Variants in SEL1L2 observed in about 807,000 individuals in gnomAD.
SEL1L2 encodes the protein protein sel-1 homolog 2.
SEL1L2 carries 89 observed loss-of-function variants against 98.8 expected under a neutral mutation model. The ratio of observed to expected loss-of-function variants is 0.90; its 90% CI spans 0.76 to 1.07. The LOEUF is 1.07. SEL1L2 is among the 50% of genes least tolerant of loss of function. The probability of loss-of-function intolerance (pLI) is 0.00; values close to 1 mark genes in which losing one functional copy is unlikely to be tolerated. For synonymous variants in SEL1L2, 262 were observed against 278.5 expected, an observed-to-expected ratio of 0.94 and a Z score of 0.59; for missense variants, 788 against 812.0, an observed-to-expected ratio of 0.97 and a Z score of 0.36.
intron 5 of SEL1L2, among the ~76,000 whole-genome samples, chr20:13,905,896 CAG>C (rs1035658783): frequency 9.4e-5 from 11 of 116,578 alleles, no homozygotes; most frequent in South Asian, 2.7e-4. Context: ...TTTTTTGAGA[CAG>C]AGTTTCACTC....
chr20:13,948,264 T>C (rs1483472801), intron 2 of SEL1L2, among the ~76,000 whole-genome samples: 4 of 152,134 alleles, frequency 2.6e-5, no homozygotes, highest in African/African-American at 9.7e-5. Context: ...AGATATTTTT[T>C]CTAAAATTCA....
intron 2 of SEL1L2, among the ~76,000 whole-genome samples, chr20:13,935,655 G>A (rs2049413875): frequency 6.6e-6 from 1 of 152,144 alleles, no homozygotes; most frequent in Non-Finnish European, 1.5e-5. Context: ...AAATAATGAG[G>A]CAGAGAGGCA....
At chr20:13,929,798 C>CT (rs372974117) in intron 3 of SEL1L2, among the ~76,000 whole-genome samples, 46 of 132,370 alleles carry the variant, frequency 3.5e-4, no homozygotes, top group African/African-American at 3.9e-4. Flanking sequence ...CGTGCCCGGC[C>CT]TTTTTTTTTT....
chr20:13,905,948 C>A (rs935147590), intron 5 of SEL1L2, among the ~76,000 whole-genome samples: 1 of 148,014 alleles, frequency 6.8e-6, no homozygotes, highest in Non-Finnish European at 1.5e-5. Context: ...AGTCTCGGCT[C>A]ACTGCAACCT....
At chr20:13,990,442 C>A (rs763719544) in intron 1 of SEL1L2, 35 bp downstream of exon 1, 19 of 1,438,322 alleles carry the variant, frequency 1.3e-5, no homozygotes, top group Non-Finnish European at 1.4e-5. Context: ...AGAGAAGAGA[C>A]CCTCATAGAG....
intron 5 of SEL1L2, among the ~76,000 whole-genome samples, chr20:13,892,875 G>A (rs1037732653): frequency 3.3e-5 from 5 of 152,208 alleles, no homozygotes; most frequent in African/African-American, 1.2e-4. Flanking sequence ...CTGCTTAACA[G>A]ACAAGATGGA....
intron 12 of SEL1L2, among the ~76,000 whole-genome samples, chr20:13,874,956 T>C (rs921503199): frequency 6.6e-6 from 1 of 152,168 alleles, no homozygotes; most frequent in African/African-American, 2.4e-5. Context: ...GATGAGGGCA[T>C]TTTTTATGCA....
intron 10 of SEL1L2, among the ~76,000 whole-genome samples, chr20:13,878,581 T>C (rs2046545643): frequency 6.6e-6 from 1 of 152,208 alleles, no homozygotes; most frequent in South Asian, 2.1e-4. Context: ...AAGAGAATGT[T>C]TAAGGAAGAA....
chr20:13,926,609 G>A (rs995204419), intron 3 of SEL1L2, among the ~76,000 whole-genome samples: 2 of 152,190 alleles, frequency 1.3e-5, no homozygotes, highest in Admixed American at 1.3e-4. Flanking sequence ...CTCTGTAGCT[G>A]AAAACAGTCC....
chr20:13,952,874 T>C (rs995955948), intron 2 of SEL1L2, among the ~76,000 whole-genome samples: 2 of 152,108 alleles, frequency 1.3e-5, no homozygotes, highest in African/African-American at 4.8e-5. Flanking sequence ...ATTAAACATA[T>C]AAAAATTAGC....
chr20:13,889,929 A>G (rs540701913), intron 5 of SEL1L2, among the ~76,000 whole-genome samples: 6 of 152,268 alleles, frequency 3.9e-5, no homozygotes, highest in Non-Finnish European at 7.3e-5. Context: ...ACAGAGCAAG[A>G]TGATGGAATA....
chr20:13,913,662 C>T (rs576192621), intron 5 of SEL1L2, 120 bp downstream of exon 5: 60 of 907,886 alleles, frequency 6.6e-5, no homozygotes, highest in Non-Finnish European at 7.8e-5. Flanking sequence ...ATTATGGTAA[C>T]CTCCCTAGAC....
At chr20:13,861,580 G>T (rs1376422614) in intron 17 of SEL1L2, among the ~76,000 whole-genome samples, 1 of 152,100 alleles carries the variant, frequency 6.6e-6, no homozygotes, top group Non-Finnish European at 1.5e-5. Flanking sequence ...TATATTCACA[G>T]AGATGTACAA....
At chr20:13,974,348 T>C (rs528896263) in intron 1 of SEL1L2, among the ~76,000 whole-genome samples, 15 of 152,314 alleles carry the variant, frequency 9.8e-5, no homozygotes, top group Non-Finnish European at 2.1e-4. Flanking sequence ...CCTAGTAATC[T>C]AGCCTTTCCT....
At chr20:13,931,143 A>G (rs2049126106) in intron 3 of SEL1L2, among the ~76,000 whole-genome samples, 1 of 151,004 alleles carries the variant, frequency 6.6e-6, no homozygotes, top group African/African-American at 2.4e-5. Context: ...TCCCAGGTTC[A>G]TGCCATCCTC....
intron 1 of SEL1L2, among the ~76,000 whole-genome samples, chr20:13,972,863 A>G (rs2051347802): frequency 1.3e-5 from 2 of 152,150 alleles, no homozygotes; most frequent in African/African-American, 4.8e-5. Flanking sequence ...ACTATTTTCT[A>G]TGAGCGGGTC....
At position 13,947,134 on chromosome 20, in the gene SEL1L2, T is replaced by TGA. The variant is rs397969455; in HGVS notation, c.114+8941_114+8942insTC. Among the ~76,000 whole-genome samples, 41 of 151,680 alleles carry TGA rather than the reference T, an allele frequency of 2.7e-4. No homozygotes were observed. In the East Asian group the frequency reaches 3.1e-3, roughly 11 times the overall value. On this transcript the variant is annotated intron_variant, in intron 2 of 19. Coordinates refer to ENST00000284951, the MANE Select transcript of SEL1L2 (RefSeq NM_025229.2). ...CCTGAAGCCTGGGGGCCAGGATCCATTCCGGGTGGAGTCTGTAGCTGGGAG... is the reference window on the plus strand; with the variant it reads ...CCTGAAGCCTGGGGGCCAGGATCCATGATCCGGGTGGAGTCTGTAGCTGGGAG...
intron 1 of SEL1L2, among the ~76,000 whole-genome samples, chr20:13,976,479 A>G (rs1233565689): frequency 1.3e-5 from 2 of 152,212 alleles, no homozygotes; most frequent in African/African-American, 2.4e-5. Context: ...TGAGAAAGAC[A>G]TGGAGGTGGG....
Position 13,931,674 on chromosome 20 carries a change from T to C in SEL1L2, c.212A>G (p.Lys71Arg). Reference sequence around the variant, plus strand: ...TATTCTTATTTTACGTTGATTCTTCTTTTTCTCCAGGAGATTTTCTCTTTT... The same window carrying C: ...TATTCTTATTTTACGTTGATTCTTCCTTTTCTCCAGGAGATTTTCTCTTTT... ...INKRENLLEK[K>R]KNQRKIRIKG... The change falls in exon 3 of 20, where the codon AAG becomes AGG. Residue 71 changes from lysine to arginine, a missense_variant. By Grantham distance (26) the Lys-to-Arg change is conservative. Coordinates refer to ENST00000284951, the MANE Select transcript of SEL1L2 (RefSeq NM_025229.2). The C allele has an allele frequency of 6.5e-7, 1 of 1,549,316 alleles. No individual in the cohort carries two copies. Among genetic ancestry groups the C allele is most frequent in the South Asian group, 1.2e-5 (1 of 83,996 alleles).
Sources: gnomAD v4.1 joint callset for allele counts (sites outside exome capture counted in the v4.1 genomes callset) on GRCh38, gnomAD v4.1.1 for gene constraint, MANE v1.5 for transcripts, NCBI Gene and HGNC (gene_info 2026-07-23, HGNC 2026-07-21) for gene names.